The following FBXO42 variants were observed in gnomAD, a reference collection of about 807,000 sequenced individuals.
FBXO42 encodes the protein F-box protein 42.
A neutral mutation model predicts 71.7 loss-of-function variants in FBXO42; 12 were observed. The observed-to-expected ratio is 0.17, with a 90% confidence interval of 0.11 to 0.27. FBXO42 has a LOEUF of 0.27. Ranked by LOEUF, FBXO42 falls within the 10% of genes least tolerant of loss-of-function variation. The probability of loss-of-function intolerance (pLI) is 1.00; values close to 1 mark genes in which losing one functional copy is unlikely to be tolerated. For missense variants in FBXO42, 707 were observed against 911.9 expected (o/e 0.78, Z 2.89); for synonymous variants, 325 against 327.5 (o/e 0.99, Z 0.08).
At chr1:16,274,587 CGT>C (rs1491513481) in intron 4 of FBXO42, among the ~76,000 whole-genome samples, 2 of 55,734 alleles carry the variant, frequency 3.6e-5, no homozygotes, top group African/African-American at 1.3e-4. Context: ...ATTATGCCCC[CGT>C]TTTTTTTTTT....
intron 3 of FBXO42, among the ~76,000 whole-genome samples, chr1:16,305,251 G>A (rs535680289): frequency 2.0e-5 from 3 of 152,130 alleles, no homozygotes; most frequent in African/African-American, 7.2e-5. Context: ...AGCCAGGCGT[G>A]GTGGCATGCA....
chr1:16,303,940 AC>A (rs1417600420), intron 3 of FBXO42, among the ~76,000 whole-genome samples: 1 of 151,170 alleles, frequency 6.6e-6, no homozygotes, highest in African/African-American at 2.4e-5. Flanking sequence ...TTTTTAAGAG[AC>A]GGGGTTTCAC....
intron 3 of FBXO42, among the ~76,000 whole-genome samples, chr1:16,303,917 T>TTA (rs201330433): frequency 3.3e-5 from 5 of 151,884 alleles, no homozygotes; most frequent in Admixed American, 2.0e-4. Context: ...GGGTAATTTT[T>TTA]TATATATATA....
At chr1:16,274,390 C>T (rs995762880) in intron 4 of FBXO42, among the ~76,000 whole-genome samples, 2 of 151,758 alleles carry the variant, frequency 1.3e-5, no homozygotes, top group African/African-American at 4.8e-5. Flanking sequence ...AGGAGCTGAC[C>T]TCTATGGGGG....
intron 3 of FBXO42, among the ~76,000 whole-genome samples, chr1:16,298,087 T>C (rs982867390): frequency 1.3e-4 from 20 of 151,118 alleles, no homozygotes; most frequent in African/African-American, 4.4e-4. Flanking sequence ...TGGTCTGGCA[T>C]GGTGGCATGC....
chr1:16,337,883 C>CAAAAAAAACAAAAAAAA (rs2082565977), intron 1 of FBXO42, among the ~76,000 whole-genome samples: 1 of 38,838 alleles, frequency 2.6e-5, no homozygotes, highest in Non-Finnish European at 4.4e-5. Context: ...GACTCCGTCT[C>CAAAAAAAACAAAAAAAA]AAAAAAAAAA....
intron 1 of FBXO42, among the ~76,000 whole-genome samples, chr1:16,321,644 G>A (rs1034523352): frequency 4.6e-5 from 7 of 151,290 alleles, no homozygotes; most frequent in Admixed American, 4.6e-4. Context: ...ATGAGTGTAA[G>A]GTTTATTGAC....
chr1:16,332,769 G>A (rs979538872), intron 1 of FBXO42, among the ~76,000 whole-genome samples: 2 of 152,036 alleles, frequency 1.3e-5, no homozygotes, highest in African/African-American at 2.4e-5. Flanking sequence ...TTGAACTCCC[G>A]ACCTCAAGTC....
At chr1:16,306,647 T>C (rs1184852000) in intron 2 of FBXO42, among the ~76,000 whole-genome samples, 2 of 152,192 alleles carry the variant, frequency 1.3e-5, no homozygotes, top group African/African-American at 4.8e-5. Context: ...TAATAAAGCA[T>C]TCTCTGTCTT....
At chr1:16,282,628 T>C (rs1464699528) in intron 4 of FBXO42, among the ~76,000 whole-genome samples, 1 of 151,834 alleles carries the variant, frequency 6.6e-6, no homozygotes, top group Non-Finnish European at 1.5e-5. Flanking sequence ...GAGGACAGCT[T>C]GAGGCCAGGA....
chr1:16,275,793 A>G (rs895354411), intron 4 of FBXO42, among the ~76,000 whole-genome samples: 1 of 151,428 alleles, frequency 6.6e-6, no homozygotes, highest in African/African-American at 2.4e-5. Context: ...TGAATCACCT[A>G]AGGTCAGGAG....
chr1:16,308,900 T>C lies in FBXO42; in HGVS notation c.251-2981A>G, dbSNP rs531758906. Among the ~76,000 whole-genome samples the C allele has an allele frequency of 2.4e-4, 36 of 151,576 alleles. 1 individual carries two copies. The highest frequency in any genetic ancestry group is 1.9e-3 in the East Asian group (10 of 5,136). On this transcript the variant is annotated intron_variant, in intron 2 of 9. Transcript: ENST00000375592. ...CTGAGATTACAGGCATGTGCCACCA[T>C]GCCTAGCTAATTTTGCATTTTTAGT... is the stretch of plus-strand genomic sequence containing the variant.
chr1:16,306,271 C>A (rs991520798), intron 2 of FBXO42, among the ~76,000 whole-genome samples: 1 of 152,146 alleles, frequency 6.6e-6, no homozygotes, highest in Non-Finnish European at 1.5e-5. Context: ...CCTGCCTCGG[C>A]CTTCCAAAGT....
intron 1 of FBXO42, among the ~76,000 whole-genome samples, chr1:16,315,941 C>A (rs936955602): frequency 6.6e-6 from 1 of 151,984 alleles, no homozygotes; most frequent in Non-Finnish European, 1.5e-5. Context: ...GAGACCGAGG[C>A]GGGCAGATCA....
chr1:16,289,934 T>A (rs1399523783), intron 4 of FBXO42, among the ~76,000 whole-genome samples: 2 of 152,168 alleles, frequency 1.3e-5, no homozygotes, highest in Non-Finnish European at 1.5e-5. Context: ...AGCTCTCCCC[T>A]TATTCTATAC....
chr1:16,295,189 A>AT (rs2100531741), intron 3 of FBXO42, among the ~76,000 whole-genome samples: 1 of 152,262 alleles, frequency 6.6e-6, no homozygotes, highest in South Asian at 2.1e-4. Context: ...AACACATAAT[A>AT]ATTCACATTA....
chr1:16,325,744 G>A (rs1463954031), intron 1 of FBXO42, among the ~76,000 whole-genome samples: 1 of 152,022 alleles, frequency 6.6e-6, no homozygotes, highest in African/African-American at 2.4e-5. Context: ...TCCTACCTCA[G>A]CCTCCAGAGT....
chr1:16,304,368 T>C (rs1349806772), intron 3 of FBXO42, among the ~76,000 whole-genome samples: 1 of 149,434 alleles, frequency 6.7e-6, no homozygotes, highest in East Asian at 2.0e-4. Flanking sequence ...ATCAGCCAAC[T>C]TCAGCCTCCC....
rs1557568746 is a variant in FBXO42 at position 16,253,741 on chromosome 1, A to G, written c.768-10T>C. ...CCAGACATCATTGCTCCTGTGAATT[A>G]AGGACAGAAGGATAAAGGTAGTTAG... On this transcript the variant is annotated splice_polypyrimidine_tract_variant and intron_variant, in intron 6 of 9. Coordinates refer to ENST00000375592, the MANE Select transcript of FBXO42 (RefSeq NM_018994.3). 6.2e-7 allele frequency: 1 copy of G among 1,613,326 alleles called. No homozygotes were observed. The highest frequency in any genetic ancestry group is 2.2e-5 in the East Asian group (1 of 44,884).
Sources: allele counts gnomAD v4.1 joint callset (sites outside exome capture counted in the v4.1 genomes callset), GRCh38; gene constraint gnomAD v4.1.1; transcripts MANE v1.5; gene names NCBI Gene and HGNC (gene_info 2026-07-23, HGNC 2026-07-21).